The following CNTNAP2 variants were observed in gnomAD, a reference collection of about 807,000 sequenced individuals.
The protein encoded by CNTNAP2 is contactin associated protein 2.
In CNTNAP2, 98 loss-of-function variants were observed where a neutral mutation model predicts 155.2. The ratio of observed to expected loss-of-function variants is 0.63; its 90% CI spans 0.54 to 0.75. The LOEUF (loss-of-function observed/expected upper bound fraction) is 0.75, where lower values mean the gene tolerates loss of function less well. CNTNAP2 is among the 30% of genes least tolerant of loss of function. CNTNAP2 has a pLI of 0.00. For missense variants in CNTNAP2, 1,727 were observed against 1,688.1 expected, an observed-to-expected ratio of 1.02 and a Z score of -0.40; for synonymous variants, 651 against 631.2, an observed-to-expected ratio of 1.03 and a Z score of -0.47.
intron 1 of CNTNAP2, among the ~76,000 whole-genome samples, chr7:146,130,400 T>G (rs1226251149): frequency 6.6e-6 from 1 of 152,072 alleles, no homozygotes; most frequent in Admixed American, 6.6e-5. Flanking sequence ...AGCCCCGGAG[T>G]TCAAAGCTAC....
At chr7:147,474,389 G>C (rs2116615197) in intron 10 of CNTNAP2, among the ~76,000 whole-genome samples, 1 of 152,264 alleles carries the variant, frequency 6.6e-6, no homozygotes, top group Middle Eastern at 3.4e-3. Context: ...AGGTCAAGGA[G>C]TTCAAGACCA....
At chr7:147,634,940 T>A (rs1406961444) in intron 12 of CNTNAP2, among the ~76,000 whole-genome samples, 1 of 152,152 alleles carries the variant, frequency 6.6e-6, no homozygotes, top group Non-Finnish European at 1.5e-5. Flanking sequence ...GGACTCTTTG[T>A]ATACCTGAAT....
intron 16 of CNTNAP2, among the ~76,000 whole-genome samples, chr7:148,128,784 T>C (rs1336220430): frequency 6.6e-6 from 1 of 152,192 alleles, no homozygotes; most frequent in Non-Finnish European, 1.5e-5. Flanking sequence ...CCTCCTAAGC[T>C]GGCCAGACAG....
At chr7:148,044,365 A>G (rs1802735296) in intron 15 of CNTNAP2, among the ~76,000 whole-genome samples, 1 of 152,186 alleles carries the variant, frequency 6.6e-6, no homozygotes, top group Non-Finnish European at 1.5e-5. Flanking sequence ...ACTTGTGGCC[A>G]GGTGTCCCAC....
chr7:148,062,011 T>TAG (rs374161359), intron 15 of CNTNAP2, among the ~76,000 whole-genome samples: 970 of 83,934 alleles, frequency 0.012, 46 homozygotes, highest in South Asian at 0.032. Context: ...AGATAGATGA[T>TAG]AGAGAGAGAG....
At chr7:147,473,444 C>T (rs1042899150) in intron 10 of CNTNAP2, among the ~76,000 whole-genome samples, 1 of 151,974 alleles carries the variant, frequency 6.6e-6, no homozygotes, top group Non-Finnish European at 1.5e-5. Flanking sequence ...ATAGCGGCAG[C>T]ACCGGGAGAG....
At chr7:147,063,220 C>T (rs1303148067) in intron 4 of CNTNAP2, among the ~76,000 whole-genome samples, 4 of 152,104 alleles carry the variant, frequency 2.6e-5, no homozygotes, top group African/African-American at 9.7e-5. Flanking sequence ...GTAACATGTA[C>T]GTTTTCATTT....
chr7:146,810,825 G>A (rs1188729287), intron 2 of CNTNAP2, among the ~76,000 whole-genome samples: 3 of 152,048 alleles, frequency 2.0e-5, no homozygotes, highest in Admixed American at 6.6e-5. Context: ...CAACTATTTT[G>A]TTGAGAATTT....
At chr7:148,331,763 T>TGGACAGGTGGAA (rs1563046107) in intron 21 of CNTNAP2, among the ~76,000 whole-genome samples, 6 of 15,158 alleles carry the variant, frequency 4.0e-4, no homozygotes, top group Admixed American at 6.7e-4. Context: ...GACGGATGGA[T>TGGACAGGTGGAA]TGGATGGATG....
intron 1 of CNTNAP2, among the ~76,000 whole-genome samples, chr7:146,494,607 A>G (rs932043797): frequency 1.3e-5 from 2 of 152,172 alleles, no homozygotes; most frequent in South Asian, 2.1e-4. Flanking sequence ...AACAGTTAGG[A>G]GGGTATAGTA....
At position 147,587,119 on chromosome 7, in the gene CNTNAP2, C is replaced by T. The variant is rs1800644009; in HGVS notation, c.1897+24862C>T. The stretch of plus-strand genomic sequence containing the variant: ...AATACATTTAATTACATCCTGGGAC[C>T]ACTTCAACATCTTAAGCATGTGGAC... On this transcript the variant is annotated intron_variant, in intron 12 of 23. Transcript: ENST00000361727. Among the ~76,000 whole-genome samples the T allele has an allele frequency of 7.2e-5, 11 of 152,156 alleles. No homozygotes were observed. The South Asian group carries it at 2.3e-3, about 32-fold the overall frequency.
intron 19 of CNTNAP2, among the ~76,000 whole-genome samples, chr7:148,221,808 G>A (rs531940376): frequency 2.6e-5 from 4 of 152,248 alleles, no homozygotes; most frequent in African/African-American, 4.8e-5. Context: ...CCAGTGCTCC[G>A]TTCTTCCCTG....
chr7:147,970,191 A>G (rs936329958), intron 14 of CNTNAP2, among the ~76,000 whole-genome samples: 5 of 152,084 alleles, frequency 3.3e-5, no homozygotes, highest in African/African-American at 4.8e-5. Flanking sequence ...GATTACAAGC[A>G]TGAGACACCA....
At chr7:147,871,778 A>G (rs147544385) in intron 13 of CNTNAP2, among the ~76,000 whole-genome samples, 1 of 151,340 alleles carries the variant, frequency 6.6e-6, no homozygotes, top group Non-Finnish European at 1.5e-5. Context: ...AGACTATGTG[A>G]GTCGTGGCCG....
At chr7:148,034,461 T>C (rs973514062) in intron 15 of CNTNAP2, among the ~76,000 whole-genome samples, 7 of 152,284 alleles carry the variant, frequency 4.6e-5, no homozygotes, top group African/African-American at 4.8e-5. Flanking sequence ...CTTGGGAGTG[T>C]ATTTCTTATA....
At chr7:146,938,685 T>G (rs957775862) in intron 3 of CNTNAP2, among the ~76,000 whole-genome samples, 8 of 152,072 alleles carry the variant, frequency 5.3e-5, no homozygotes, top group African/African-American at 1.7e-4. Context: ...GTTAAAATAT[T>G]GTAAAGTATT....
At chr7:146,908,757 C>A (rs938321587) in intron 3 of CNTNAP2, among the ~76,000 whole-genome samples, 5 of 137,582 alleles carry the variant, frequency 3.6e-5, no homozygotes, top group African/African-American at 1.4e-4. Flanking sequence ...AAAGCAAGAG[C>A]AAACACATTC....
intron 4 of CNTNAP2, among the ~76,000 whole-genome samples, chr7:147,064,777 A>G (rs905747865): frequency 1.3e-5 from 2 of 152,210 alleles, no homozygotes; most frequent in East Asian, 3.8e-4. Flanking sequence ...CAACAAAACT[A>G]TATAAAACAA....
chr7:146,899,879 T>G (rs1487879536), intron 3 of CNTNAP2, among the ~76,000 whole-genome samples: 1 of 152,206 alleles, frequency 6.6e-6, no homozygotes, highest in Non-Finnish European at 1.5e-5. Flanking sequence ...CAAGTGGCCC[T>G]GTTTATGGGA....
Sources: allele counts gnomAD v4.1 joint callset (sites outside exome capture counted in the v4.1 genomes callset), GRCh38; gene constraint gnomAD v4.1.1; transcripts MANE v1.5; gene names NCBI Gene and HGNC (gene_info 2026-07-23, HGNC 2026-07-21).